AHDC1: variants seen among roughly 807,000 people sequenced by gnomAD.
AHDC1 encodes the protein AT-hook DNA binding motif containing 1.
AHDC1 carries 7 observed loss-of-function variants against 87.9 expected under a neutral mutation model. That is an observed-to-expected ratio of 0.08 (90% confidence interval 0.05 to 0.15). The LOEUF (loss-of-function observed/expected upper bound fraction) is 0.15, where lower values mean the gene tolerates loss of function less well. AHDC1 is among the 10% of genes least tolerant of loss of function. The pLI is 1.00. For missense variants in AHDC1, 1,841 were observed against 2,253.2 expected, an observed-to-expected ratio of 0.82 and a Z score of 3.70; for synonymous variants, 1,051 against 1,006.8, an observed-to-expected ratio of 1.04 and a Z score of -0.83.
rs1344183723 is a variant in AHDC1 at position 27,547,943 on chromosome 1, G to A, written c.4173C>T (p.Asp1391=). The A allele has an allele frequency of 1.4e-5, 23 of 1,589,236 alleles. No homozygotes were observed. The highest frequency in any genetic ancestry group is 1.1e-4 in the African/African-American group (8 of 74,596). Residue 1391 remains aspartate, a synonymous_variant, in exon 8 of 9, where the codon GAC becomes GAT. Coordinates refer to ENST00000673934, the MANE Select transcript of AHDC1 (RefSeq NM_001371928.1). The surrounding 1 kb of genome is among the most constrained non-coding windows in gnomAD (Gnocchi z 4.9). ...PPLAHPPTVF[D]AGLQKAYSPT... is the part of the protein sequence containing the mutation. The stretch of plus-strand genomic sequence containing the variant: ...GCGAGTATGCCTTCTGCAGGCCGGC[G>A]TCAAACACCGTGGGTGGGTGGGCCA...
chr1:27,570,119 T>C (rs1312644601), intron 3 of AHDC1, among the ~76,000 whole-genome samples: 1 of 151,814 alleles, frequency 6.6e-6, no homozygotes, highest in Non-Finnish European at 1.5e-5. Flanking sequence ...CAGCTGGGCA[T>C]GCCAACCTTT....
At chr1:27,594,106 A>G (rs2089300143) in intron 3 of AHDC1, among the ~76,000 whole-genome samples, 1 of 152,190 alleles carries the variant, frequency 6.6e-6, no homozygotes, top group Non-Finnish European at 1.5e-5. Context: ...CTGCCCTCTG[A>G]GGCGGATTCT....
intron 3 of AHDC1, among the ~76,000 whole-genome samples, chr1:27,596,439 G>A (rs1211900566): frequency 6.6e-6 from 1 of 152,106 alleles, no homozygotes; most frequent in Non-Finnish European, 1.5e-5. Flanking sequence ...GAGAGGAAGA[G>A]GGAGGACAGG....
chr1:27,571,559 GA>G (rs1384291258), intron 3 of AHDC1, among the ~76,000 whole-genome samples: 2 of 151,856 alleles, frequency 1.3e-5, no homozygotes, highest in Non-Finnish European at 2.9e-5. Flanking sequence ...AGGGCTGAGG[GA>G]CAGCCCCACC....
chr1:27,600,439 A>G (rs2089499419), intron 3 of AHDC1, among the ~76,000 whole-genome samples: 1 of 151,436 alleles, frequency 6.6e-6, no homozygotes, highest in African/African-American at 2.4e-5. Context: ...GGCATGAGAC[A>G]CAGAGCTCTG....
rs1300711227 is a variant in AHDC1, at chr1:27,550,977, G to A, written c.1139C>T (p.Pro380Leu). 6.3e-7 allele frequency: 1 copy of A among 1,591,440 alleles called. No homozygotes were observed. Among genetic ancestry groups the A allele is most frequent in the Middle Eastern group, 1.7e-4 (1 of 6,018 alleles). ...PHGPPGPEGHPKYALRRTDRP... is the reference protein window; with the variant it reads ...PHGPPGPEGHLKYALRRTDRP... Reference sequence around the variant, plus strand: ...ATCAGTGCGCCGCAAGGCGTACTTGGGGTGACCCTCAGGCCCGGGGGGGCC... The same window carrying A: ...ATCAGTGCGCCGCAAGGCGTACTTGAGGTGACCCTCAGGCCCGGGGGGGCC... The change falls in exon 8 of 9, where the codon CCC (proline) becomes CTC (leucine). Residue 380 changes from proline to leucine, a missense_variant. Coordinates refer to ENST00000673934, the MANE Select transcript of AHDC1 (RefSeq NM_001371928.1).
At chr1:27,596,607 A>T (rs562699420) in intron 3 of AHDC1, among the ~76,000 whole-genome samples, 2 of 151,632 alleles carry the variant, frequency 1.3e-5, no homozygotes, top group Non-Finnish European at 2.9e-5. Context: ...CCAGCCTCAC[A>T]CCTGAACTAC....
At chr1:27,582,204 GA>G (rs1185898039) in intron 3 of AHDC1, among the ~76,000 whole-genome samples, 15 of 152,266 alleles carry the variant, frequency 9.9e-5, no homozygotes, top group Admixed American at 1.3e-4. Context: ...AGACTTTCAG[GA>G]ACAGAACAGC....
At chr1:27,592,494 C>T (rs1293985299) in intron 3 of AHDC1, among the ~76,000 whole-genome samples, 1 of 152,160 alleles carries the variant, frequency 6.6e-6, no homozygotes, top group Non-Finnish European at 1.5e-5. Context: ...CCCTGTGGGA[C>T]CCCCACTTCA....
At chr1:27,564,179 T>C (rs938922876) in intron 3 of AHDC1, among the ~76,000 whole-genome samples, 1 of 151,770 alleles carries the variant, frequency 6.6e-6, no homozygotes, top group African/African-American at 2.4e-5. Context: ...CTGCTGGCCA[T>C]AGTGGTGAGG....
At position 27,548,696 on chromosome 1, in the gene AHDC1, G is replaced by A. The variant is rs1391727575; in HGVS notation, c.3420C>T (p.Asn1140=). 8 of 1,613,284 alleles carry A rather than the reference G, an allele frequency of 5.0e-6. No homozygotes were observed. Among genetic ancestry groups the A allele is most frequent in the South Asian group, 1.1e-5 (1 of 91,092 alleles). ...TGTAGTTGGAGATGTCCAGGATCACGTTGGGCTCGCTGACGTGGCAGTCAA... is the reference window on the plus strand; with the variant it reads ...TGTAGTTGGAGATGTCCAGGATCACATTGGGCTCGCTGACGTGGCAGTCAA... ...PSFDCHVSEP[N]VILDISNYTP... The change falls in exon 8 of 9, where the codon AAC becomes AAT. Residue 1140 remains asparagine, a synonymous_variant. Coordinates refer to ENST00000673934, the MANE Select transcript of AHDC1 (RefSeq NM_001371928.1).
In AHDC1 at chr1:27,561,009, A is replaced by T. The variant is rs2020055711; in HGVS notation, c.-628-2126T>A. On this transcript the variant is annotated intron_variant, in intron 3 of 8. Transcript: ENST00000673934. This position sits in a 1 kb window ranked among gnomAD's most constrained non-coding sequence, Gnocchi z 4.2. ...GAGCCAGACAACTCCCCAAGCCTGGATTAGGGACAATTTATCCACAGGCAG... is the reference window on the plus strand; with the variant it reads ...GAGCCAGACAACTCCCCAAGCCTGGTTTAGGGACAATTTATCCACAGGCAG... Among the ~76,000 whole-genome samples, 1 of 151,636 alleles carries T rather than the reference A, an allele frequency of 6.6e-6. No homozygotes were observed. Among genetic ancestry groups the T allele is most frequent in the African/African-American group, 2.4e-5 (1 of 41,198 alleles).
At chr1:27,564,837 A>G (rs1240865920) in intron 3 of AHDC1, among the ~76,000 whole-genome samples, 2 of 152,120 alleles carry the variant, frequency 1.3e-5, no homozygotes, top group Admixed American at 6.5e-5. Context: ...CCACCCCATC[A>G]TGACCAGCAG....
At chr1:27,555,576 C>G (rs910623223) in intron 5 of AHDC1, among the ~76,000 whole-genome samples, 1 of 152,206 alleles carries the variant, frequency 6.6e-6, no homozygotes, top group African/African-American at 2.4e-5. Context: ...CACTGTTGCC[C>G]TCACAGGGAG....
chr1:27,571,936 GAT>G (rs974472490), intron 3 of AHDC1, among the ~76,000 whole-genome samples: 1 of 152,138 alleles, frequency 6.6e-6, no homozygotes, highest in African/African-American at 2.4e-5. Flanking sequence ...CCTGGGGAGA[GAT>G]AGTGTGACAC....
At position 27,539,775 on chromosome 1, in the gene AHDC1, G is replaced by C. The variant is rs554465098; in HGVS notation, c.*44-4859C>G. Among the ~76,000 whole-genome samples the C allele has an allele frequency of 7.4e-4, 113 of 152,238 alleles. 4 individuals are homozygous for C. In the South Asian group the frequency reaches 0.021, roughly 28 times the overall value. ...TTTTTTCAAATGTGAGTCCACTACT[G>C]ACCAGAGGTGCTCCTTAAACTCTAG... On this transcript the variant is annotated intron_variant, in intron 8 of 8. Coordinates refer to ENST00000673934, the MANE Select transcript of AHDC1 (RefSeq NM_001371928.1).
rs1234614384 is a variant in AHDC1, at chr1:27,604,124, G to A, written c.-881C>T. On this transcript the variant is annotated 5_prime_UTR_variant, in exon 1 of 9. Coordinates refer to ENST00000673934, the MANE Select transcript of AHDC1 (RefSeq NM_001371928.1). ...TGCCTGCCTGCCTCTCTCCGTCTCC[G>A]CCGCCGCCGCCGCTGCCTCTGCGAG... The A allele has an allele frequency of 1.9e-5, 3 of 155,816 alleles. No homozygotes were observed. Among genetic ancestry groups the A allele is most frequent in the Admixed American group, 1.3e-4 (2 of 15,284 alleles). The allele number at this position is 155,816 out of a possible 1,614,324, so 9.7% of individuals were successfully genotyped here.
At position 27,551,792 on chromosome 1, in the gene AHDC1, T is replaced by C. The variant is rs2019580692; in HGVS notation, c.324A>G (p.Arg108=). The C allele has an allele frequency of 1.2e-6, 2 of 1,612,944 alleles. No homozygotes were observed. The highest frequency in any genetic ancestry group is 1.7e-6 in the Non-Finnish European group (2 of 1,179,872). ...PTPVGDGSSS[R]RCWDNGRVNL... ...TCACCCGCCCGTTGTCCCAGCAGCG[T>C]CGGGAGCTGCTGCCGTCTCCGACCG... Residue 108 remains arginine (R), a synonymous_variant, in exon 8 of 9, where the codon CGA becomes CGG. Transcript: ENST00000673934.
chr1:27,579,510 G>A (rs1030281940), intron 3 of AHDC1, among the ~76,000 whole-genome samples: 3 of 152,166 alleles, frequency 2.0e-5, no homozygotes, highest in Non-Finnish European at 4.4e-5. Flanking sequence ...ATCCCAGCAA[G>A]AGTGTGACTA....
Sources: gnomAD v4.1 joint callset for allele counts (sites outside exome capture counted in the v4.1 genomes callset) on GRCh38, gnomAD v4.1.1 for gene constraint, Gnocchi (gnomAD v3.1) non-coding constraint, MANE v1.5 for transcripts, NCBI Gene and HGNC (gene_info 2026-07-23, HGNC 2026-07-21) for gene names.